DOK6: variants seen among roughly 807,000 people sequenced by gnomAD.
DOK6 encodes downstream of tyrosine kinase 6.
A neutral mutation model predicts 44.0 loss-of-function variants in DOK6; 22 were observed. The ratio of observed to expected loss-of-function variants is 0.50; its 90% confidence interval spans 0.36 to 0.71. The LOEUF is 0.71. Among genes scored for constraint, DOK6 ranks in the 30% least tolerant of loss-of-function variants. DOK6 has a pLI of 0.00. For missense variants in DOK6, 340 were observed against 416.4 expected (o/e 0.82, Z 1.60); for synonymous variants, 166 against 145.5 (o/e 1.14, Z -1.01).
At position 69,716,547 on chromosome 18, in the gene DOK6, C is replaced by T. The variant is rs75829345; in HGVS notation, c.599+17954C>T. ...TTGTACAGGTTCTCTTAATTCTATA[C>T]CGTGTACACACTGCTTTTCCTGTGC... On this transcript the variant is annotated intron_variant, in intron 5 of 7. Transcript: ENST00000382713. Among the ~76,000 whole-genome samples, 1,354 of 152,172 alleles carry T rather than the reference C, an allele frequency of 8.9e-3. 19 individuals carry two copies. The highest frequency in any genetic ancestry group is 0.03 in the African/African-American group (1,233 of 41,518).
intron 3 of DOK6, among the ~76,000 whole-genome samples, chr18:69,629,985 C>T (rs1036353675): frequency 2.6e-5 from 4 of 152,166 alleles, no homozygotes; most frequent in Admixed American, 2.6e-4. Flanking sequence ...AGGCTGATGT[C>T]GAACTCCTGG....
chr18:69,469,810 C>G (rs1232372754), intron 1 of DOK6: 1 of 227,978 alleles, frequency 4.4e-6, no homozygotes, highest in Non-Finnish European at 9.2e-6. Flanking sequence ...AGAGGCGCCC[C>G]CACTGTCTCC....
intron 5 of DOK6, among the ~76,000 whole-genome samples, chr18:69,737,606 A>G (rs971118643): frequency 5.9e-5 from 9 of 152,188 alleles, no homozygotes; most frequent in Non-Finnish European, 2.9e-5. Context: ...AGGTACAAAC[A>G]CTGAAGAAAG....
At chr18:69,516,494 A>C (rs1981527005) in intron 1 of DOK6, among the ~76,000 whole-genome samples, 1 of 152,200 alleles carries the variant, frequency 6.6e-6, no homozygotes, top group South Asian at 2.1e-4. Context: ...TAGAGACATA[A>C]ACGAAACACT....
intron 3 of DOK6, among the ~76,000 whole-genome samples, chr18:69,612,404 T>TGTGAGG (rs1984167026): frequency 1.4e-5 from 2 of 146,754 alleles, no homozygotes; most frequent in African/African-American, 5.0e-5. Context: ...AGACTTTGTG[T>TGTGAGG]GCGAGGGCGC....
chr18:69,787,536 G>C (rs1980468668), intron 7 of DOK6, among the ~76,000 whole-genome samples: 1 of 152,256 alleles, frequency 6.6e-6, no homozygotes, highest in African/African-American at 2.4e-5. Context: ...TCACAGTCTT[G>C]TGCTGCCTGT....
intron 2 of DOK6, among the ~76,000 whole-genome samples, chr18:69,593,944 T>G (rs1353669689): frequency 6.6e-6 from 1 of 152,200 alleles, no homozygotes; most frequent in Non-Finnish European, 1.5e-5. Flanking sequence ...TCAGGTAAAA[T>G]TAGTAGCATT....
intron 7 of DOK6, among the ~76,000 whole-genome samples, chr18:69,762,722 T>C (rs1979601279): frequency 6.6e-6 from 1 of 152,240 alleles, no homozygotes; most frequent in African/African-American, 2.4e-5. Flanking sequence ...CATGGCGTGG[T>C]AACAAATTCA....
intron 7 of DOK6, among the ~76,000 whole-genome samples, chr18:69,761,003 T>A (rs1189637593): frequency 5.3e-5 from 6 of 113,334 alleles, no homozygotes; most frequent in African/African-American, 2.2e-4. Context: ...TTCTATCTAG[T>A]AGGAGCCTGC....
intron 1 of DOK6, among the ~76,000 whole-genome samples, chr18:69,528,125 T>C (rs555694926): frequency 7.2e-6 from 1 of 139,722 alleles, no homozygotes; most frequent in Admixed American, 7.8e-5. Flanking sequence ...ATAGTGCCAC[T>C]GCAGTTCGGC....
At chr18:69,576,274 G>C (rs1219812336) in intron 2 of DOK6, among the ~76,000 whole-genome samples, 1 of 151,486 alleles carries the variant, frequency 6.6e-6, no homozygotes, top group Non-Finnish European at 1.5e-5. Flanking sequence ...GACTAGTGTG[G>C]ATTTCTCAAA....
intron 4 of DOK6, among the ~76,000 whole-genome samples, chr18:69,686,017 AC>A (rs1239548482): frequency 6.6e-6 from 1 of 152,174 alleles, no homozygotes; most frequent in East Asian, 1.9e-4. Flanking sequence ...TGTAGGTAGT[AC>A]CTTTAAAGAG....
intron 7 of DOK6, among the ~76,000 whole-genome samples, chr18:69,779,314 G>A (rs925784691): frequency 2.6e-5 from 4 of 151,764 alleles, no homozygotes; most frequent in African/African-American, 4.8e-5. Context: ...TTAGATGTCC[G>A]GATAACAGTG....
chr18:69,412,822 T>C (rs1194812923), intron 1 of DOK6, among the ~76,000 whole-genome samples: 1 of 152,102 alleles, frequency 6.6e-6, no homozygotes, highest in East Asian at 1.9e-4. Context: ...AAAATGCTTA[T>C]CTCCCTTGCA....
At chr18:69,752,878 A>G (rs1379861824) in intron 6 of DOK6, among the ~76,000 whole-genome samples, 1 of 152,144 alleles carries the variant, frequency 6.6e-6, no homozygotes, top group East Asian at 1.9e-4. Flanking sequence ...TACCACAGCC[A>G]AGGGATCTGA....
chr18:69,463,137 G>A (rs972296095), intron 1 of DOK6, among the ~76,000 whole-genome samples: 5 of 152,024 alleles, frequency 3.3e-5, no homozygotes, highest in South Asian at 2.1e-4. Context: ...CCTGCTTCCC[G>A]GTTCATAGAT....
rs1985634385 is a variant in DOK6 at position 69,665,518 on chromosome 18, TGAAGTGATGTCATTTTCTGG to T, written c.290-12213_290-12194del. On this transcript the variant is annotated intron_variant, in intron 3 of 7. Transcript: ENST00000382713. Reference sequence around the variant, plus strand: ...AGGGGGCCACCAGTCCATTGTTATCTGAAGTGATGTCATTTTCTGGGAGTTTTCCAATTTTCTATCGTCTG... The same window carrying T: ...AGGGGGCCACCAGTCCATTGTTATCTGAGTTTTCCAATTTTCTATCGTCTG... Among the ~76,000 whole-genome samples, 8 of 152,304 alleles carry T rather than the reference TGAAGTGATGTCATTTTCTGG, an allele frequency of 5.3e-5. No individual in the cohort carries two copies. The South Asian group carries it at 1.7e-3, about 32-fold the overall frequency.
intron 7 of DOK6, among the ~76,000 whole-genome samples, chr18:69,788,510 T>G (rs528180135): frequency 1.3e-5 from 2 of 152,284 alleles, no homozygotes; most frequent in Non-Finnish European, 2.9e-5. Flanking sequence ...ACATAAAAAT[T>G]AAGGAGTAGG....
At chr18:69,430,890 C>T (rs892933507) in intron 1 of DOK6, among the ~76,000 whole-genome samples, 20 of 152,202 alleles carry the variant, frequency 1.3e-4, no homozygotes, top group South Asian at 6.2e-4. Flanking sequence ...CACTTGAACC[C>T]GGGAGACGGA....
Sources: gnomAD v4.1 joint callset for allele counts (sites outside exome capture counted in the v4.1 genomes callset) on GRCh38, gnomAD v4.1.1 for gene constraint, MANE v1.5 for transcripts, NCBI Gene and HGNC (gene_info 2026-07-23, HGNC 2026-07-21) for gene names.